Variants in PRICKLE3 observed in about 807,000 individuals in gnomAD.
The protein encoded by PRICKLE3 is prickle planar cell polarity protein 3.
In PRICKLE3, 17 loss-of-function variants were observed where a neutral mutation model predicts 33.8. That is an observed-to-expected ratio of 0.50 (90% CI 0.34 to 0.75). The LOEUF (loss-of-function observed/expected upper bound fraction) is 0.75, where lower values mean the gene tolerates loss of function less well. PRICKLE3 is among the 30% of genes least tolerant of loss of function. The pLI is 0.01. For synonymous variants in PRICKLE3, 211 were observed against 219.6 expected, an observed-to-expected ratio of 0.96 and a Z score of 0.34; for missense variants, 573 against 576.7, an observed-to-expected ratio of 0.99 and a Z score of 0.07.
At chrX:49,177,768 G>A (rs2065427350) in intron 7 of PRICKLE3, among the ~76,000 whole-genome samples, 1 of 109,864 alleles carries the variant, frequency 9.1e-6, no homozygotes, top group South Asian at 3.8e-4. Flanking sequence ...TAGACATGTG[G>A]TGGTGGCCTA....
intron 3 of PRICKLE3, among the ~76,000 whole-genome samples, chrX:49,183,067 G>A (rs1232790462): frequency 9.0e-6 from 1 of 111,391 alleles, no homozygotes. Context: ...CAAGTAATCC[G>A]CCCGCCTCAG....
chrX:49,184,942 C>G (rs1227636616), intron 1 of PRICKLE3: 23 of 1,071,299 alleles, frequency 2.1e-5, no homozygotes, highest in Non-Finnish European at 2.7e-5. Context: ...TCAGGGAATT[C>G]CCCTTCCTAG....
rs1557100258 is a variant in PRICKLE3 at position 49,177,190 on chromosome X, C to T, written c.968G>A (p.Gly323Asp). 3 of 1,176,851 alleles carry T rather than the reference C, an allele frequency of 2.5e-6. No individual in the cohort carries two copies. The highest frequency in any genetic ancestry group is 3.4e-6 in the Non-Finnish European group (3 of 881,864). ...GCGEHIGLDQGQMAYEGQHWH... is the reference protein window; with the variant it reads ...GCGEHIGLDQDQMAYEGQHWH... ...GTGCTGGCCCTCGTAAGCCATCTGGCCTTGGTCCAGGCCTGTGGGGAACGA... is the reference window on the plus strand; with the variant it reads ...GTGCTGGCCCTCGTAAGCCATCTGGTCTTGGTCCAGGCCTGTGGGGAACGA... The change falls in exon 8 of 9, where the codon GGC becomes GAC. Residue 323 changes from glycine (G) to aspartate (D), a missense_variant. Physicochemically the swap from Gly to Asp is moderately conservative, Grantham distance 94. Transcript: ENST00000599218.
chrX:49,178,930 G>C (rs1022288218), intron 5 of PRICKLE3, among the ~76,000 whole-genome samples: 2 of 112,458 alleles, frequency 1.8e-5, no homozygotes. Context: ...CTGACCACAG[G>C]AGGACCAAAG....
chrX:49,180,684 A>G (rs1473760880), intron 3 of PRICKLE3, among the ~76,000 whole-genome samples: 2 of 111,053 alleles, frequency 1.8e-5, no homozygotes, highest in Non-Finnish European at 3.8e-5. Context: ...CTCCTCCTCA[A>G]CTAGCTGACC....
In PRICKLE3 at chrX:49,183,937, G is replaced by C; in HGVS notation, c.129-20C>G. 8.4e-7 allele frequency: 1 copy of C among 1,195,836 alleles called. No homozygotes were observed. The highest frequency in any genetic ancestry group is 1.1e-6 in the Non-Finnish European group (1 of 885,608). ...ATCTTTCTGAGGGGGCCGGGATGGG[G>C]GTCAATTACTAAGGAGTTGCCCACC... is the stretch of plus-strand genomic sequence containing the variant. On this transcript the variant is annotated intron_variant, in intron 2 of 8. Coordinates refer to ENST00000599218, the MANE Select transcript of PRICKLE3 (RefSeq NM_006150.5).
intron 8 of PRICKLE3, 109 bp from the exon 9 acceptor site, chrX:49,176,374 G>A: frequency 3.5e-6 from 2 of 573,432 alleles, no homozygotes; most frequent in Non-Finnish European, 5.3e-6. Flanking sequence ...CTGGGAAAGT[G>A]GGGGCAGGGG....
In PRICKLE3 at chrX:49,175,917, T is replaced by C. The variant is rs781865211; in HGVS notation, c.1604A>G (p.Asp535Gly). Residue 535 changes from aspartate (D) to glycine (G), a missense_variant, in exon 9 of 9, where the codon GAC becomes GGC. By Grantham distance (94) the Asp-to-Gly change is moderately conservative. Coordinates refer to ENST00000599218, the MANE Select transcript of PRICKLE3 (RefSeq NM_006150.5). ...TTCCGAGTCTGACCCTGATCCCGCGTCACATTGATAGTGGCGACGTCTGCT... is the reference window on the plus strand; with the variant it reads ...TTCCGAGTCTGACCCTGATCCCGCGCCACATTGATAGTGGCGACGTCTGCT... ...HPSRRRHYQC[D>G]AGSGSDSESC... 1.1e-5 allele frequency: 13 copies of C among 1,211,211 alleles called. No homozygotes were observed. In the South Asian group the frequency reaches 2.3e-4, roughly 21 times the overall value.
rs898308224 is a variant in PRICKLE3 at position 49,178,102 on chromosome X, T to G, written c.846A>C (p.Glu282Asp). 8 of 1,183,628 alleles carry G rather than the reference T, an allele frequency of 6.8e-6. No homozygotes were observed. Among genetic ancestry groups the G allele is most frequent in the Non-Finnish European group, 9.1e-6 (8 of 879,882 alleles). ...CATAGCGCTGCCCTCCTAGTGAAGC[T>G]TCACACTCAAAGCAGCAGAAGTGAT... ...HMDHFCCFEC[E>D]ASLGGQRYVM... The change falls in exon 7 of 9, where the codon GAA (glutamate) becomes GAC (aspartate). Residue 282 changes from glutamate to aspartate, a missense_variant. Coordinates refer to ENST00000599218, the MANE Select transcript of PRICKLE3 (RefSeq NM_006150.5).
At position 49,177,015 on chromosome X, in the gene PRICKLE3, G is replaced by C. The variant is rs782047819; in HGVS notation, c.1143C>G (p.Ser381Arg). ...GGGCTGTGACAGGGCCGGCACTCCA[G>C]CTGCGGCGGCTCGGCCCTGGAGCTG... The part of the protein sequence containing the change: ...EPTAPGPSRR[S>R]WSAGPVTAPL... Residue 381 changes from serine to arginine, a missense_variant, in exon 8 of 9, where the codon AGC (serine) becomes AGG (arginine). Transcript: ENST00000599218. 1 of 1,209,817 alleles carries C rather than the reference G, an allele frequency of 8.3e-7. No homozygotes were observed. The highest frequency in any genetic ancestry group is 1.8e-5 in the South Asian group (1 of 56,704).
Position 49,186,324 on chromosome X carries a change from G to GCCGGGTCAGGCGAATGTAATCCTTGCGAC in PRICKLE3, c.-56_-28dup, listed in dbSNP as rs2065483428. 4.5e-6 allele frequency: 5 copies of GCCGGGTCAGGCGAATGTAATCCTTGCGAC among 1,117,066 alleles called. No individual in the cohort carries two copies. In the Admixed American group the frequency reaches 1.5e-4, roughly 33 times the overall value. 92.1% of individuals were successfully genotyped at this position (1,117,066 alleles called of 1,213,427 possible). ...GCGCGCCCGGGCAGGGTCAAGCCGG[G>GCCGGGTCAGGCGAATGTAATCCTTGCGAC]CCGGGTCAGGCGAATGTAATCCTTG... is the stretch of plus-strand genomic sequence containing the variant. On this transcript the variant is annotated 5_prime_UTR_variant, in exon 1 of 9. Transcript: ENST00000599218.
intron 3 of PRICKLE3, 174 bp downstream of exon 3, chrX:49,183,560 A>G (rs1271613678): frequency 3.8e-6 from 4 of 1,043,130 alleles, no homozygotes; most frequent in Non-Finnish European, 5.1e-6. Flanking sequence ...CAGTCACCCA[A>G]GGTATGGGGG....
At position 49,186,242 on chromosome X, in the gene PRICKLE3, T is replaced by G; in HGVS notation, c.42+14A>C. The G allele has an allele frequency of 8.6e-7, 1 of 1,157,004 alleles. No homozygotes were observed. The highest frequency in any genetic ancestry group is 3.4e-5 in the East Asian group (1 of 29,700). On this transcript the variant is annotated intron_variant, in intron 1 of 8. Coordinates refer to ENST00000599218, the MANE Select transcript of PRICKLE3 (RefSeq NM_006150.5). Reference sequence around the variant, plus strand: ...TTACCCCCGACCCCCACCGCTGCCCTGACTCCCGCTCACCGCACGCCCGGA... The same window carrying G: ...TTACCCCCGACCCCCACCGCTGCCCGGACTCCCGCTCACCGCACGCCCGGA...
At position 49,178,299 on chromosome X, in the gene PRICKLE3, C is replaced by G. The variant is rs1557100477; in HGVS notation, c.741G>C (p.Leu247=). 10 of 1,201,384 alleles carry G rather than the reference C, an allele frequency of 8.3e-6. No homozygotes were observed. In the South Asian group the frequency reaches 1.8e-4, roughly 22 times the overall value. Residue 247 remains leucine (L), a synonymous_variant, in exon 6 of 9, where the codon CTG becomes CTC. Coordinates refer to ENST00000599218, the MANE Select transcript of PRICKLE3 (RefSeq NM_006150.5). The part of the protein sequence containing the change: ...VYCGRHHAEC[L]RPRCQACDEI... The stretch of plus-strand genomic sequence containing the variant: ...CGTCACAGGCTTGGCAGCGTGGACG[C>G]AGGCATTCGGCATGGTGACGCCCGC...
chrX:49,183,461 T>C, intron 3 of PRICKLE3: 1 of 494,214 alleles, frequency 2.0e-6, no homozygotes. Flanking sequence ...AGGGAGGCTG[T>C]GGTGGGCAAC....
chrX:49,182,528 G>C (rs1014729032), intron 3 of PRICKLE3, among the ~76,000 whole-genome samples: 1 of 112,602 alleles, frequency 8.9e-6, no homozygotes, highest in Non-Finnish European at 1.9e-5. Context: ...CCAAGCACAC[G>C]CCTGCCTCAG....
rs782509584 is a variant in PRICKLE3 at position 49,183,710 on chromosome X, AGTGGAGGGCTG to A, written c.312+13_312+23del. Reference sequence around the variant, plus strand: ...TAGTGTGCACCCACTGGACAGCAAGAGTGGAGGGCTGGCCTCTGGTCACCTGCTCCGGCTTA... The same window carrying A: ...TAGTGTGCACCCACTGGACAGCAAGAGCCTCTGGTCACCTGCTCCGGCTTA... On this transcript the variant is annotated intron_variant, in intron 3 of 8. Coordinates refer to ENST00000599218, the MANE Select transcript of PRICKLE3 (RefSeq NM_006150.5). 4.1e-6 allele frequency: 5 copies of A among 1,208,819 alleles called. No homozygotes were observed. The highest frequency in any genetic ancestry group is 5.6e-6 in the Non-Finnish European group (5 of 894,764).
At position 49,185,953 on chromosome X, in the gene PRICKLE3, G is replaced by C. The variant is rs377229897; in HGVS notation, c.42+303C>G. ...TCAGGAGGTTCCTGCTCAACCTAAGGCTTCAAGACCCAGTTCTCTGGCCCT... is the reference window on the plus strand; with the variant it reads ...TCAGGAGGTTCCTGCTCAACCTAAGCCTTCAAGACCCAGTTCTCTGGCCCT... On this transcript the variant is annotated intron_variant, in intron 1 of 8. Transcript: ENST00000599218. 4.7e-5 allele frequency among the ~76,000 whole-genome samples: 5 copies of C among 107,050 alleles called. No homozygotes were observed. The South Asian group carries it at 1.7e-3, about 37-fold the overall frequency. 93.0% of individuals were successfully genotyped at this position (107,050 alleles called of 115,157 possible). A position where few individuals can be genotyped will look rare whatever the true frequency, so the allele number is the denominator to read the frequency against.
rs1309651447 is a variant in PRICKLE3 at position 49,176,008 on chromosome X, G to C, written c.1513C>G (p.Pro505Ala). The change falls in exon 9 of 9, where the codon CCC becomes GCC. Residue 505 changes from proline to alanine, a missense_variant. Physicochemically the swap from Pro to Ala is conservative, Grantham distance 27. Coordinates refer to ENST00000599218, the MANE Select transcript of PRICKLE3 (RefSeq NM_006150.5). ...TGGCGGCGACGGCTGGGGGCCCTGG[G>C]TGGGGGACTGCGTGGCCTGCGGCGC... ...AQRRRPRSPP[P>A]RAPSRRRHHH... 1.7e-6 allele frequency: 2 copies of C among 1,208,704 alleles called. No homozygotes were observed. The highest frequency in any genetic ancestry group is 2.2e-6 in the Non-Finnish European group (2 of 894,846).
Sources: allele counts gnomAD v4.1 joint callset (sites outside exome capture counted in the v4.1 genomes callset), GRCh38; gene constraint gnomAD v4.1.1; transcripts MANE v1.5; gene names NCBI Gene and HGNC (gene_info 2026-07-23, HGNC 2026-07-21).